The following LRPPRC variants were observed in gnomAD, a reference collection of about 807,000 sequenced individuals.
LRPPRC encodes the protein leucine rich pentatricopeptide repeat containing.
Under a neutral mutation model 180.3 loss-of-function variants are expected in LRPPRC, and 120 were observed. The observed-to-expected ratio is 0.67, with a 90% CI of 0.57 to 0.77. The LOEUF (loss-of-function observed/expected upper bound fraction) is 0.77. LRPPRC is among the 30% of genes least tolerant of loss of function. LRPPRC has a pLI of 0.00. For missense variants in LRPPRC, 2,012 were observed against 1,657.2 expected, an observed-to-expected ratio of 1.21 and a Z score of -3.72; for synonymous variants, 723 against 600.0, an observed-to-expected ratio of 1.21 and a Z score of -3.00.
intron 3 of LRPPRC, among the ~76,000 whole-genome samples, chr2:43,979,475 A>G (rs905228514): frequency 1.3e-5 from 2 of 152,200 alleles, no homozygotes; most frequent in East Asian, 3.8e-4. Context: ...ACAAGCTACA[A>G]TGAAGAATAT....
At position 43,905,781 on chromosome 2, in the gene LRPPRC, C is replaced by G; in HGVS notation, c.3276-1G>C. ...GAAGCCCTTGATGTGGGTCTCCGCG[C>G]TAAAAGAAGCAGACATTTAGAAAGG... On this transcript the variant is annotated splice_acceptor_variant, in intron 30 of 37. Transcript: ENST00000260665. LOFTEE classifies it high-confidence loss of function. The G allele has an allele frequency of 6.3e-7, 1 of 1,594,776 alleles. No homozygotes were observed. Among genetic ancestry groups the G allele is most frequent in the East Asian group, 2.2e-5 (1 of 44,788 alleles).
chr2:43,910,195 T>G (rs1186396402), intron 30 of LRPPRC, among the ~76,000 whole-genome samples: 5 of 151,838 alleles, frequency 3.3e-5, no homozygotes, highest in Non-Finnish European at 5.9e-5. Context: ...GCACACTGCA[T>G]GAACACTCCA....
intron 25 of LRPPRC, 95 bp downstream of exon 25, chr2:43,934,095 C>T: frequency 2.7e-6 from 2 of 730,234 alleles, no homozygotes; most frequent in South Asian, 3.1e-5. Flanking sequence ...TAACATGAAT[C>T]AGAACAAGTG....
At chr2:43,914,991 T>C (rs1471962901) in intron 29 of LRPPRC, among the ~76,000 whole-genome samples, 1 of 144,688 alleles carries the variant, frequency 6.9e-6, no homozygotes, top group Non-Finnish European at 1.5e-5. Flanking sequence ...GGCGATCACT[T>C]GAGGTCAGGA....
rs1006599535 is a variant in LRPPRC at position 43,921,129 on chromosome 2, T to A, written c.2897-2731A>T. Among the ~76,000 whole-genome samples, 3 of 152,024 alleles carry A rather than the reference T, an allele frequency of 2.0e-5. No homozygotes were observed. The East Asian group carries it at 5.8e-4, about 29-fold the overall frequency. On this transcript the variant is annotated intron_variant, in intron 27 of 37. Coordinates refer to ENST00000260665, the MANE Select transcript of LRPPRC (RefSeq NM_133259.4). ...CAACATGGTGAAACCCCATCTCTAC[T>A]AAAAATACAAAAATTAGCCAGGTGT...
At chr2:43,959,252 A>T (rs1553407283) in intron 13 of LRPPRC, 2 of 712,590 alleles carry the variant, frequency 2.8e-6, no homozygotes, top group Non-Finnish European at 5.2e-6. Flanking sequence ...AGGCAAAATC[A>T]ATACACTCAG....
chr2:43,982,582 G>T, intron 1 of LRPPRC, 148 bp from the exon 2 acceptor site: 1 of 645,256 alleles, frequency 1.5e-6, no homozygotes, highest in South Asian at 1.9e-5. Flanking sequence ...TAATGGGAAA[G>T]AAAGTTTTAG....
At chr2:43,894,159 G>A (rs959636393) in intron 36 of LRPPRC, among the ~76,000 whole-genome samples, 1 of 152,062 alleles carries the variant, frequency 6.6e-6, no homozygotes, top group African/African-American at 2.4e-5. Context: ...AAGAAGGCCA[G>A]TTAAGTGAGT....
chr2:43,894,517 T>G, intron 36 of LRPPRC, 28 bp downstream of exon 36: 1 of 1,057,950 alleles, frequency 9.5e-7, no homozygotes, highest in Non-Finnish European at 1.5e-6. Context: ...TTTAAATAAA[T>G]AATATAGTCA....
chr2:43,991,763 A>G (rs1305664130), intron 1 of LRPPRC, among the ~76,000 whole-genome samples: 1 of 152,344 alleles, frequency 6.6e-6, no homozygotes, highest in East Asian at 1.9e-4. Context: ...TGGTGCTACA[A>G]TTTTGAAAAC....
At chr2:43,978,803 T>C (rs893213951) in intron 3 of LRPPRC, among the ~76,000 whole-genome samples, 2 of 152,164 alleles carry the variant, frequency 1.3e-5, no homozygotes, top group Admixed American at 6.5e-5. Context: ...TCCTAAATAT[T>C]TTATTTATCT....
At chr2:43,932,425 T>C (rs1026359081) in intron 25 of LRPPRC, among the ~76,000 whole-genome samples, 1 of 152,148 alleles carries the variant, frequency 6.6e-6, no homozygotes, top group South Asian at 2.1e-4. Flanking sequence ...TCATGACTTG[T>C]AGTATTCTTT....
At chr2:43,982,162 A>C in intron 2 of LRPPRC, 76 bp downstream of exon 2, 1 of 1,030,164 alleles carries the variant, frequency 9.7e-7, no homozygotes, top group Non-Finnish European at 1.4e-6. Flanking sequence ...CCTGCCTCCC[A>C]AAGTGCTGGG....
rs1217336446 is a variant in LRPPRC at position 43,979,848 on chromosome 2, T to C, written c.447A>G (p.Ile149Met). 3 of 1,613,110 alleles carry C rather than the reference T, an allele frequency of 1.9e-6. No homozygotes were observed. In the Admixed American group the frequency reaches 5.0e-5, roughly 27 times the overall value. Residue 149 changes from isoleucine (I) to methionine (M), a missense_variant, in exon 3 of 38, where the codon ATA becomes ATG. By Grantham distance (10) the Ile-to-Met change is conservative. Transcript: ENST00000260665. Reference sequence around the variant, plus strand: ...TACCTAATTTCTGAAGTGTGTCCCATATCCTATGAGCAAATTCTGTTCTCT... The same window carrying C: ...TACCTAATTTCTGAAGTGTGTCCCACATCCTATGAGCAAATTCTGTTCTCT... The part of the protein sequence containing the change: ...LEERTEFAHR[I>M]WDTLQKLGAV...
chr2:43,918,272 G>T lies in LRPPRC; in HGVS notation c.3023C>A (p.Pro1008Gln), dbSNP rs780252803. 4 of 1,613,142 alleles carry T rather than the reference G, an allele frequency of 2.5e-6. No homozygotes were observed. In the South Asian group the frequency reaches 3.3e-5, roughly 13 times the overall value. ...EILREGNQEVPFDVPELWYED... is the reference protein window; with the variant it reads ...EILREGNQEVQFDVPELWYED... ...AACAATTACCTCAGGTACGTCAAAC[G>T]GAACTTCCTGGTTACCCTCTCTAAG... The change falls in exon 28 of 38, where the codon CCG (proline) becomes CAG (glutamine). Residue 1008 changes from proline (P) to glutamine (Q), a missense_variant. Coordinates refer to ENST00000260665, the MANE Select transcript of LRPPRC (RefSeq NM_133259.4).
chr2:43,895,128 T>C (rs1166114859), intron 35 of LRPPRC, among the ~76,000 whole-genome samples: 1 of 152,186 alleles, frequency 6.6e-6, no homozygotes, highest in Non-Finnish European at 1.5e-5. Context: ...TTATTTCCTG[T>C]AGCGAGTGAA....
intron 19 of LRPPRC, 114 bp downstream of exon 19, chr2:43,947,617 G>C (rs1048631331): frequency 1.3e-6 from 1 of 748,838 alleles, no homozygotes; most frequent in East Asian, 2.5e-5. Context: ...ACTTCTTAGA[G>C]GTATACAAGA....
intron 18 of LRPPRC, 44 bp downstream of exon 18, chr2:43,948,078 G>T: frequency 8.1e-7 from 1 of 1,229,922 alleles, no homozygotes; most frequent in Non-Finnish European, 1.2e-6. Context: ...GCTGTTATAT[G>T]TAAGTTAAGC....
intron 13 of LRPPRC, chr2:43,959,306 CAACA>C: frequency 1.5e-6 from 1 of 672,258 alleles, no homozygotes; most frequent in Admixed American, 2.3e-5. Context: ...CAAATAACTA[CAACA>C]GTCACCATTT....
Sources: allele counts gnomAD v4.1 joint callset (sites outside exome capture counted in the v4.1 genomes callset), GRCh38; gene constraint gnomAD v4.1.1; transcripts MANE v1.5; gene names NCBI Gene and HGNC (gene_info 2026-07-23, HGNC 2026-07-21).